ADAMTS18: variants seen among roughly 807,000 people sequenced by gnomAD.
ADAMTS18 encodes the protein A disintegrin and metalloproteinase with thrombospondin motifs 18.
In ADAMTS18, 157 loss-of-function variants were observed where a neutral mutation model predicts 165.9. The ratio of observed to expected loss-of-function variants is 0.95; its 90% CI spans 0.83 to 1.08. The LOEUF (loss-of-function observed/expected upper bound fraction) is 1.08, where lower values mean the gene tolerates loss of function less well. Among genes scored for constraint, ADAMTS18 ranks in the 50% least tolerant of loss-of-function variants. The pLI is 0.00. For synonymous variants in ADAMTS18, 782 were observed against 578.2 expected (o/e 1.35, Z -5.06); for missense variants, 2,040 against 1,534.0 (o/e 1.33, Z -5.51).
At chr16:77,358,022 C>T (rs183699919) in intron 8 of ADAMTS18, among the ~76,000 whole-genome samples, 46 of 152,352 alleles carry the variant, frequency 3.0e-4, no homozygotes, top group African/African-American at 1.0e-3. Context: ...GGACTTCATG[C>T]TGGTAAAACA....
At chr16:77,321,932 G>A (rs1187339574) in intron 14 of ADAMTS18, among the ~76,000 whole-genome samples, 2 of 152,066 alleles carry the variant, frequency 1.3e-5, no homozygotes, top group East Asian at 3.9e-4. Flanking sequence ...GAAGCGGGCA[G>A]ATCACCTGAA....
In ADAMTS18 at chr16:77,434,892, G is replaced by T. The variant is rs1047569647; in HGVS notation, c.-197C>A. The T allele has an allele frequency of 2.3e-6, 1 of 427,380 alleles. No homozygotes were observed. The highest frequency in any genetic ancestry group is 4.0e-6 in the Non-Finnish European group (1 of 252,940). 26.5% of individuals were successfully genotyped at this position (427,380 alleles called of 1,614,324 possible). ...CCGCCTGCGCGCCCTCCCTTCTCCC[G>T]GCGCGGGCCTGCCGAGCTGCAGTTT... On this transcript the variant is annotated 5_prime_UTR_variant, in exon 1 of 23. Coordinates refer to ENST00000282849, the MANE Select transcript of ADAMTS18 (RefSeq NM_199355.4).
At chr16:77,286,467 T>C (rs1414115248) in intron 22 of ADAMTS18, among the ~76,000 whole-genome samples, 1 of 152,142 alleles carries the variant, frequency 6.6e-6, no homozygotes, top group Non-Finnish European at 1.5e-5. Flanking sequence ...ACTAAAGACA[T>C]GTGTGAAAAA....
At position 77,342,753 on chromosome 16, in the gene ADAMTS18, G is replaced by T. The variant is rs185399570; in HGVS notation, c.1615-954C>A. Among the ~76,000 whole-genome samples the T allele has an allele frequency of 4.0e-3, 614 of 152,342 alleles. 6 individuals carry two copies. The highest frequency in any genetic ancestry group is 6.4e-3 in the Non-Finnish European group (435 of 68,032). On this transcript the variant is annotated intron_variant, in intron 10 of 22. Transcript: ENST00000282849. The stretch of plus-strand genomic sequence containing the variant: ...TGGGATCCTGTGAATATGTGAAGTT[G>T]TGTAGCAAAGGAGAATTAAAGTTAC...
At chr16:77,400,705 G>A (rs2057320065) in intron 3 of ADAMTS18, among the ~76,000 whole-genome samples, 1 of 151,382 alleles carries the variant, frequency 6.6e-6, no homozygotes. Flanking sequence ...TCCTGACCTC[G>A]TGATCCGCCT....
intron 9 of ADAMTS18, among the ~76,000 whole-genome samples, chr16:77,354,397 A>G (rs1352457588): frequency 2.0e-5 from 3 of 152,180 alleles, no homozygotes; most frequent in Non-Finnish European, 2.9e-5. Flanking sequence ...AAAATAAATA[A>G]CATTCCTAAA....
intron 3 of ADAMTS18, among the ~76,000 whole-genome samples, chr16:77,410,211 A>G (rs1022429805): frequency 2.0e-5 from 3 of 151,762 alleles, no homozygotes; most frequent in African/African-American, 2.4e-5. Context: ...ATGTTACTCT[A>G]TGATATTTTC....
Position 77,359,358 on chromosome 16 carries a change from G to A in ADAMTS18, c.1282C>T (p.Leu428Phe). Residue 428 changes from leucine (L) to phenylalanine (F), a missense_variant, in exon 8 of 23, where the codon CTT (leucine) becomes TTT (phenylalanine). By Grantham distance (22) the Leu-to-Phe change is conservative. Coordinates refer to ENST00000282849, the MANE Select transcript of ADAMTS18 (RefSeq NM_199355.4). ...TGAGCGATGGTGAAGGCAAGGCCAA[G>A]TCCTGTGTCCTCATTGATGGTACAA... ...RSCTINEDTG[L>F]GLAFTIAHES... 1.2e-6 allele frequency: 2 copies of A among 1,614,150 alleles called. No individual in the cohort carries two copies. Among genetic ancestry groups the A allele is most frequent in the African/African-American group, 1.3e-5 (1 of 75,060 alleles).
chr16:77,416,232 C>T (rs2057528400), intron 3 of ADAMTS18, among the ~76,000 whole-genome samples: 1 of 152,072 alleles, frequency 6.6e-6, no homozygotes, highest in Admixed American at 6.6e-5. Context: ...TGAGGTAGGA[C>T]ATCTGGGGAT....
At chr16:77,358,996 A>T (rs1038226873) in intron 8 of ADAMTS18, among the ~76,000 whole-genome samples, 22 of 152,324 alleles carry the variant, frequency 1.4e-4, no homozygotes, top group African/African-American at 4.3e-4. Context: ...CTCCATGATT[A>T]CTTCCTGTGC....
chr16:77,353,594 T>A (rs1380545733), intron 10 of ADAMTS18, 139 bp downstream of exon 10: 8 of 1,172,118 alleles, frequency 6.8e-6, no homozygotes, highest in Non-Finnish European at 8.7e-6. Context: ...CACTTAATTA[T>A]CATGCCAAAC....
intron 4 of ADAMTS18, among the ~76,000 whole-genome samples, chr16:77,365,113 C>G (rs752757602): frequency 1.3e-5 from 2 of 152,100 alleles, no homozygotes; most frequent in Non-Finnish European, 2.9e-5. Flanking sequence ...AAAAGAAACA[C>G]CCAACCACAC....
chr16:77,337,323 C>G (rs982778645), intron 11 of ADAMTS18, among the ~76,000 whole-genome samples: 3 of 152,202 alleles, frequency 2.0e-5, no homozygotes, highest in Admixed American at 2.0e-4. Flanking sequence ...TAGCCAATAA[C>G]AGTAACAGCA....
intron 17 of ADAMTS18, among the ~76,000 whole-genome samples, chr16:77,298,566 C>T (rs1027342011): frequency 3.3e-5 from 5 of 152,100 alleles, no homozygotes; most frequent in African/African-American, 4.8e-5. Flanking sequence ...TCAAGGAAGG[C>T]GGACTGCTTG....
chr16:77,430,242 T>C (rs1454936146), intron 3 of ADAMTS18, among the ~76,000 whole-genome samples: 1 of 152,212 alleles, frequency 6.6e-6, no homozygotes, highest in Non-Finnish European at 1.5e-5. Context: ...TATAGGTCAA[T>C]GGTGAGCCAT....
At chr16:77,381,373 C>T (rs2057027768) in intron 3 of ADAMTS18, among the ~76,000 whole-genome samples, 1 of 152,188 alleles carries the variant, frequency 6.6e-6, no homozygotes, top group Admixed American at 6.5e-5. Flanking sequence ...TTTGGGCTGG[C>T]ATAATGGCAG....
At chr16:77,400,482 T>G (rs1399836865) in intron 3 of ADAMTS18, among the ~76,000 whole-genome samples, 61 of 103,910 alleles carry the variant, frequency 5.9e-4, no homozygotes, top group African/African-American at 1.8e-3. Flanking sequence ...GTGTGTGTGT[T>G]TTGTTTTTTT....
intron 13 of ADAMTS18, among the ~76,000 whole-genome samples, 177 bp downstream of exon 13, chr16:77,325,689 A>AC (rs1343145834): frequency 6.6e-5 from 10 of 151,910 alleles, no homozygotes; most frequent in East Asian, 1.9e-4. Context: ...AAAAAAAAAA[A>AC]AACAACAGTG....
intron 22 of ADAMTS18, among the ~76,000 whole-genome samples, chr16:77,286,386 G>C (rs1303424213): frequency 1.3e-5 from 2 of 152,146 alleles, no homozygotes; most frequent in African/African-American, 4.8e-5. Context: ...AAGCAAGCTT[G>C]TCAGAAGGTG....
Sources: gnomAD v4.1 joint callset for allele counts (sites outside exome capture counted in the v4.1 genomes callset) on GRCh38, gnomAD v4.1.1 for gene constraint, MANE v1.5 for transcripts, NCBI Gene and HGNC (gene_info 2026-07-23, HGNC 2026-07-21) for gene names.